MACROD2: variants seen among roughly 807,000 people sequenced by gnomAD.
The protein encoded by MACROD2 is mono-ADP ribosylhydrolase 2.
Under a neutral mutation model 70.4 loss-of-function variants are expected in MACROD2, and 36 were observed. The ratio of observed to expected loss-of-function variants is 0.51; its 90% CI spans 0.39 to 0.68. The LOEUF (loss-of-function observed/expected upper bound fraction) is 0.68. Ranked by LOEUF, MACROD2 falls within the 30% of genes least tolerant of loss-of-function variation. The pLI, the probability that MACROD2 is intolerant of heterozygous loss-of-function variation, is 0.00. For synonymous variants in MACROD2, 172 were observed against 178.8 expected (o/e 0.96, Z 0.30); for missense variants, 496 against 538.4 (o/e 0.92, Z 0.78).
chr20:15,740,895 G>A (rs1407442188), intron 8 of MACROD2, among the ~76,000 whole-genome samples: 2 of 151,784 alleles, frequency 1.3e-5, no homozygotes, highest in Non-Finnish European at 2.9e-5. Flanking sequence ...TCCACTGCTC[G>A]CGTGCTATCC....
intron 8 of MACROD2, among the ~76,000 whole-genome samples, chr20:15,677,699 CCAA>C (rs774355491): frequency 0.066 from 1,236 of 18,688 alleles, 11 homozygotes; most frequent in African/African-American, 0.1. Flanking sequence ...AACCAACCAA[CCAA>C]CCAAATACAT....
At chr20:14,803,247 T>C (rs954991028) in intron 5 of MACROD2, among the ~76,000 whole-genome samples, 1 of 152,016 alleles carries the variant, frequency 6.6e-6, no homozygotes. Context: ...GTAAGCAAAA[T>C]GAATTAATTA....
At position 15,862,785 on chromosome 20, in the gene MACROD2, T is replaced by A. The variant is rs757767817; in HGVS notation, c.686T>A (p.Phe229Tyr). 1.3e-5 allele frequency: 21 copies of A among 1,613,148 alleles called. No individual in the cohort carries two copies. In the South Asian group the frequency reaches 2.2e-4, roughly 17 times the overall value. ...IIFCVFLEVDFKIYKKKMNEF... is the reference protein window; with the variant it reads ...IIFCVFLEVDYKIYKKKMNEF... ...TTCTGTGTCTTCTTAGAAGTTGACTTCAAAATCTACAAAAAGAAAATGAAT... is the reference window on the plus strand; with the variant it reads ...TTCTGTGTCTTCTTAGAAGTTGACTACAAAATCTACAAAAAGAAAATGAAT... The change falls in exon 9 of 18, where the codon TTC becomes TAC. Residue 229 changes from phenylalanine (F) to tyrosine (Y), a missense_variant. Transcript: ENST00000684519.
intron 3 of MACROD2, among the ~76,000 whole-genome samples, chr20:14,167,003 A>AT (rs1164142662): frequency 2.0e-5 from 3 of 152,168 alleles, no homozygotes; most frequent in African/African-American, 7.2e-5. Context: ...CCCACTCTGC[A>AT]TTTCTGGTTT....
intron 8 of MACROD2, among the ~76,000 whole-genome samples, chr20:15,597,659 A>G (rs2048763553): frequency 6.6e-6 from 1 of 152,230 alleles, no homozygotes. Context: ...AATGCTTCAT[A>G]AAAATTAATT....
intron 5 of MACROD2, among the ~76,000 whole-genome samples, chr20:14,906,500 A>G (rs2073960987): frequency 6.6e-6 from 1 of 152,132 alleles, no homozygotes; most frequent in African/African-American, 2.4e-5. Context: ...TCACCAAAAG[A>G]AAAGAAAAGA....
chr20:15,971,624 C>G (rs1231814526), intron 13 of MACROD2, among the ~76,000 whole-genome samples: 1 of 152,172 alleles, frequency 6.6e-6, no homozygotes, highest in Non-Finnish European at 1.5e-5. Flanking sequence ...CAAGATTCCT[C>G]CTCTATGATA....
At chr20:15,917,921 G>C (rs1046956664) in intron 10 of MACROD2, among the ~76,000 whole-genome samples, 1 of 151,510 alleles carries the variant, frequency 6.6e-6, no homozygotes, top group African/African-American at 2.4e-5. Context: ...TGTAGCCCCA[G>C]ATAAGTAGTG....
chr20:15,920,872 A>G (rs940481159), intron 10 of MACROD2, among the ~76,000 whole-genome samples: 4 of 152,218 alleles, frequency 2.6e-5, no homozygotes, highest in Non-Finnish European at 4.4e-5. Context: ...GAGCTTTTGC[A>G]GTAGAGGTCG....
At chr20:15,465,388 G>T (rs1306542494) in intron 7 of MACROD2, among the ~76,000 whole-genome samples, 2 of 152,258 alleles carry the variant, frequency 1.3e-5, no homozygotes, top group Non-Finnish European at 2.9e-5. Context: ...AGGCAAGGTG[G>T]AGAGTGATGA....
At chr20:15,091,705 G>A (rs778872822) in intron 5 of MACROD2, among the ~76,000 whole-genome samples, 11 of 152,022 alleles carry the variant, frequency 7.2e-5, no homozygotes, top group Non-Finnish European at 1.2e-4. Context: ...CTTATGTTAT[G>A]TGTTGAAATA....
chr20:15,828,874 T>C (rs1365703451), intron 8 of MACROD2, among the ~76,000 whole-genome samples: 1 of 152,244 alleles, frequency 6.6e-6, no homozygotes, highest in East Asian at 1.9e-4. Context: ...TGCTTTAATC[T>C]CAGGACATCC....
chr20:14,352,090 T>G (rs552153741), intron 3 of MACROD2, among the ~76,000 whole-genome samples: 1 of 152,232 alleles, frequency 6.6e-6, no homozygotes, highest in Non-Finnish European at 1.5e-5. Context: ...TTTGTCATAA[T>G]GAATGATCTT....
At chr20:16,039,929 C>T (rs979781174) in intron 15 of MACROD2, among the ~76,000 whole-genome samples, 3 of 151,816 alleles carry the variant, frequency 2.0e-5, no homozygotes, top group South Asian at 2.1e-4. Flanking sequence ...CTTTCATCTA[C>T]TTTCATACTA....
At chr20:15,480,255 C>T (rs1161654899) in intron 7 of MACROD2, among the ~76,000 whole-genome samples, 1 of 152,094 alleles carries the variant, frequency 6.6e-6, no homozygotes, top group Non-Finnish European at 1.5e-5. Context: ...CTAAACACCC[C>T]CCCTTAAAAC....
intron 8 of MACROD2, among the ~76,000 whole-genome samples, chr20:15,754,130 C>T (rs1331637706): frequency 6.6e-6 from 1 of 152,180 alleles, no homozygotes; most frequent in Non-Finnish European, 1.5e-5. Flanking sequence ...CTTAGTGCTA[C>T]AGGCATAACT....
chr20:14,839,792 C>T (rs1035490078), intron 5 of MACROD2, among the ~76,000 whole-genome samples: 4 of 151,970 alleles, frequency 2.6e-5, no homozygotes, highest in Non-Finnish European at 4.4e-5. Flanking sequence ...TGCTGAATTC[C>T]GATTATAGGT....
chr20:14,445,624 G>A (rs761752576), intron 3 of MACROD2, among the ~76,000 whole-genome samples: 15 of 151,984 alleles, frequency 9.9e-5, no homozygotes, highest in Non-Finnish European at 1.9e-4. Flanking sequence ...GACTAGGTCT[G>A]GAAAAGTTTA....
At chr20:15,331,522 A>G (rs2077992291) in intron 6 of MACROD2, among the ~76,000 whole-genome samples, 1 of 151,646 alleles carries the variant, frequency 6.6e-6, no homozygotes, top group Non-Finnish European at 1.5e-5. Context: ...TGGAAATTTT[A>G]TCTTAAAAAT....
Sources: gnomAD v4.1 joint callset for allele counts (sites outside exome capture counted in the v4.1 genomes callset) on GRCh38, gnomAD v4.1.1 for gene constraint, MANE v1.5 for transcripts, NCBI Gene and HGNC (gene_info 2026-07-23, HGNC 2026-07-21) for gene names.